Variants in CTIF observed in about 807,000 individuals in gnomAD.
CTIF encodes cap binding complex dependent translation initiation factor.
Under a neutral mutation model 66.0 loss-of-function variants are expected in CTIF, and 21 were observed. The observed-to-expected ratio is 0.32, with a 90% CI of 0.23 to 0.46. The LOEUF is 0.46. Ranked by LOEUF, CTIF falls within the 20% of genes least tolerant of loss-of-function variation. The pLI is 1.00. For missense variants in CTIF, 739 were observed against 812.7 expected, an observed-to-expected ratio of 0.91 and a Z score of 1.10; for synonymous variants, 345 against 326.4, an observed-to-expected ratio of 1.06 and a Z score of -0.62.
chr18:48,757,963 G>T lies in CTIF; in HGVS notation c.629G>T (p.Gly210Val). ...PPGGNKPQQH[G>V]DHQPGSAKHN... ...GGGGGCAACAAGCCCCAACAGCATG[G>T]TGACCACCAGCCAGGCAGTGCCAAA... is the stretch of plus-strand genomic sequence containing the variant. Residue 210 changes from glycine (G) to valine (V), a missense_variant, in exon 8 of 12, where the codon GGT (glycine) becomes GTT (valine). By Grantham distance (109) the Gly-to-Val change is moderately radical. Coordinates refer to ENST00000256413, the MANE Select transcript of CTIF (RefSeq NM_014772.3). 1 of 1,613,822 alleles carries T rather than the reference G, an allele frequency of 6.2e-7. No homozygotes were observed.
In CTIF at chr18:48,664,547, G is replaced by A. The variant is rs1460596166; in HGVS notation, c.427G>A (p.Glu143Lys). 1.3e-5 allele frequency: 21 copies of A among 1,610,752 alleles called. No homozygotes were observed. In the South Asian group the frequency reaches 1.4e-4, roughly 11 times the overall value. The change falls in exon 5 of 12, where the codon GAA becomes AAA. Residue 143 changes from glutamate (E) to lysine (K), a missense_variant. Coordinates refer to ENST00000256413, the MANE Select transcript of CTIF (RefSeq NM_014772.3). ...PKQPLPHIDR[E>K]GCGKGKLEDG... ...GCAGCCCCTGCCACACATCGACCGC[G>A]AAGGGTAAGGGGTGCTGGGGCTCTT...
At chr18:48,603,138 G>GTGGGTGGA (rs1555652663) in intron 1 of CTIF, among the ~76,000 whole-genome samples, 3 of 132,962 alleles carry the variant, frequency 2.3e-5, no homozygotes, top group Non-Finnish European at 4.7e-5. Flanking sequence ...TGGCTAGATA[G>GTGGGTGGA]TGGATGGATG....
chr18:48,575,502 C>T (rs903849060), intron 1 of CTIF, among the ~76,000 whole-genome samples: 1 of 152,236 alleles, frequency 6.6e-6, no homozygotes, highest in Non-Finnish European at 1.5e-5. Context: ...TTAAAGCTGA[C>T]CCAGCTGGAT....
chr18:48,822,071 C>T (rs1220851256), intron 10 of CTIF, among the ~76,000 whole-genome samples: 1 of 152,192 alleles, frequency 6.6e-6, no homozygotes, highest in African/African-American at 2.4e-5. Context: ...TGGAATTATG[C>T]AGTATTCGTT....
chr18:48,618,300 G>A (rs1320359053), intron 1 of CTIF, among the ~76,000 whole-genome samples: 1 of 152,262 alleles, frequency 6.6e-6, no homozygotes, highest in Non-Finnish European at 1.5e-5. Context: ...ACTGGCAGCA[G>A]CATTCACGCT....
chr18:48,702,275 A>G (rs1568149386), intron 6 of CTIF, among the ~76,000 whole-genome samples: 1 of 152,338 alleles, frequency 6.6e-6, no homozygotes, highest in East Asian at 1.9e-4. Flanking sequence ...TGCCCATTCC[A>G]GCGACCCAGC....
At chr18:48,827,113 G>A (rs528146379) in intron 10 of CTIF, among the ~76,000 whole-genome samples, 4 of 152,242 alleles carry the variant, frequency 2.6e-5, no homozygotes, top group East Asian at 1.9e-4. Flanking sequence ...GGCCAGCTCC[G>A]GCTCTCACCA....
Position 48,630,751 on chromosome 18 carries a change from C to A in CTIF, c.181-5863C>A, listed in dbSNP as rs1442508942. ...AGTGCGGTGGCGCGATCTCTGCTTA[C>A]TGCAAGCTCTGCCTCCCGAGTTCAT... On this transcript the variant is annotated intron_variant, in intron 2 of 11. Transcript: ENST00000256413. 2.0e-5 allele frequency among the ~76,000 whole-genome samples: 3 copies of A among 151,730 alleles called. No individual in the cohort carries two copies. The East Asian group carries it at 5.8e-4, about 29-fold the overall frequency.
chr18:48,714,987 G>T (rs1054993111), intron 7 of CTIF, among the ~76,000 whole-genome samples: 1 of 152,104 alleles, frequency 6.6e-6, no homozygotes, highest in Non-Finnish European at 1.5e-5. Flanking sequence ...TGGAGCACAG[G>T]TGTCTGCAGT....
chr18:48,705,715 C>A (rs1369745963), intron 6 of CTIF, among the ~76,000 whole-genome samples: 1 of 152,252 alleles, frequency 6.6e-6, no homozygotes, highest in East Asian at 1.9e-4. Context: ...CGGCACTCAG[C>A]CCATGATGCT....
intron 7 of CTIF, among the ~76,000 whole-genome samples, chr18:48,719,443 T>C (rs1211487299): frequency 6.6e-6 from 1 of 152,248 alleles, no homozygotes; most frequent in Non-Finnish European, 1.5e-5. Flanking sequence ...GTCGGAGTCC[T>C]ATATCTATAC....
At chr18:48,637,077 G>A (rs889383361) in intron 3 of CTIF, among the ~76,000 whole-genome samples, 39 of 152,166 alleles carry the variant, frequency 2.6e-4, no homozygotes, top group African/African-American at 9.2e-4. Context: ...AATGGGACTC[G>A]GCATTTTGAT....
At chr18:48,698,471 C>G (rs1036281328) in intron 6 of CTIF, among the ~76,000 whole-genome samples, 7 of 152,172 alleles carry the variant, frequency 4.6e-5, no homozygotes, top group Non-Finnish European at 7.3e-5. Flanking sequence ...CCTCGGCCTC[C>G]CAAAGTGCTG....
intron 7 of CTIF, among the ~76,000 whole-genome samples, chr18:48,739,915 C>G (rs926445199): frequency 2.6e-5 from 4 of 152,196 alleles, no homozygotes; most frequent in Admixed American, 2.6e-4. Flanking sequence ...CCCAGGTGAC[C>G]TTCTGCTTAT....
chr18:48,683,294 T>C (rs1053522200), intron 6 of CTIF: 1 of 151,682 alleles, frequency 6.6e-6, no homozygotes, highest in Non-Finnish European at 1.5e-5. Context: ...ACTGTGGTTG[T>C]GTCCAGAAAA....
intron 6 of CTIF, among the ~76,000 whole-genome samples, chr18:48,691,012 C>T (rs535524508): frequency 1.8e-4 from 27 of 152,246 alleles, no homozygotes; most frequent in Admixed American, 1.0e-3. Flanking sequence ...GCATGGTGCA[C>T]GTGCCTGTGA....
At chr18:48,560,406 TA>T (rs1599142655) in intron 1 of CTIF, among the ~76,000 whole-genome samples, 1 of 151,930 alleles carries the variant, frequency 6.6e-6, no homozygotes, top group East Asian at 1.9e-4. Context: ...TTTGTATTTT[TA>T]GTAGAGATGG....
At chr18:48,742,118 C>T (rs970845936) in intron 7 of CTIF, among the ~76,000 whole-genome samples, 26 of 152,222 alleles carry the variant, frequency 1.7e-4, no homozygotes, top group African/African-American at 6.3e-4. Context: ...GACATTTACT[C>T]TCAACACTAG....
intron 3 of CTIF, among the ~76,000 whole-genome samples, chr18:48,643,376 G>T (rs1338304840): frequency 6.6e-6 from 1 of 152,176 alleles, no homozygotes; most frequent in Non-Finnish European, 1.5e-5. Flanking sequence ...GACCAAAAGG[G>T]CATGATCTAA....
Sources: allele counts gnomAD v4.1 joint callset (sites outside exome capture counted in the v4.1 genomes callset), GRCh38; gene constraint gnomAD v4.1.1; transcripts MANE v1.5; gene names NCBI Gene and HGNC (gene_info 2026-07-23, HGNC 2026-07-21).